Variants in PXK observed in about 807,000 individuals in gnomAD.
PXK encodes the protein PX domain containing serine/threonine kinase like.
A neutral mutation model predicts 84.7 loss-of-function variants in PXK; 35 were observed. The observed-to-expected ratio is 0.41, with a 90% CI of 0.32 to 0.55. PXK has a LOEUF of 0.55. Among genes scored for constraint, PXK ranks in the 20% least tolerant of loss-of-function variants. The probability of loss-of-function intolerance (pLI) is 0.21; values close to 1 mark genes in which losing one functional copy is unlikely to be tolerated. For missense variants in PXK, 634 were observed against 699.7 expected, an observed-to-expected ratio of 0.91 and a Z score of 1.06; for synonymous variants, 253 against 260.8, an observed-to-expected ratio of 0.97 and a Z score of 0.29.
At chr3:58,375,372 A>G (rs909000475) in intron 3 of PXK, among the ~76,000 whole-genome samples, 2 of 152,176 alleles carry the variant, frequency 1.3e-5, no homozygotes, top group African/African-American at 4.8e-5. Flanking sequence ...AGCACTGTAA[A>G]CATTTCACAG....
At chr3:58,368,755 G>A (rs945991961) in intron 2 of PXK, among the ~76,000 whole-genome samples, 2 of 152,212 alleles carry the variant, frequency 1.3e-5, no homozygotes, top group Non-Finnish European at 2.9e-5. Flanking sequence ...ACATTAACAT[G>A]TGAAAATCAC....
intron 17 of PXK, chr3:58,413,307 C>G: frequency 3.4e-6 from 1 of 291,640 alleles, no homozygotes; most frequent in South Asian, 4.2e-5. Context: ...GCCCAGGGGT[C>G]CCGTCCTGCC....
chr3:58,369,863 A>G (rs1221620827), intron 3 of PXK, among the ~76,000 whole-genome samples: 2 of 152,040 alleles, frequency 1.3e-5, no homozygotes, highest in South Asian at 2.1e-4. Context: ...GGAAATGGCA[A>G]TATCAGAAAC....
At position 58,334,219 on chromosome 3, in the gene PXK, C is replaced by T. The variant is rs1024266528; in HGVS notation, c.102+1129C>T. ...AGACTTTTTTGAACCTCAGTTTCCT[C>T]TTCTGACAGCCGTGCTTTGTAGGGC... On this transcript the variant is annotated intron_variant, in intron 1 of 17. Transcript: ENST00000356151. 5.3e-5 allele frequency among the ~76,000 whole-genome samples: 8 copies of T among 152,348 alleles called. No homozygotes were observed. The East Asian group carries it at 5.8e-4, about 11-fold the overall frequency.
In PXK at chr3:58,367,168, A is replaced by G. The variant is rs547067282; in HGVS notation, c.153+1244A>G. Among the ~76,000 whole-genome samples the G allele has an allele frequency of 1.3e-3, 203 of 152,290 alleles. 1 individual carries two copies. The highest frequency in any genetic ancestry group is 2.5e-3 in the South Asian group (12 of 4,830). ...AGAGGTGTGATACCTTTCTTCACCC[A>G]TGGTAATGGTTGTGGCCAACACTCC... On this transcript the variant is annotated intron_variant, in intron 2 of 17. Transcript: ENST00000356151.
chr3:58,380,579 G>A (rs546775645), intron 3 of PXK, among the ~76,000 whole-genome samples: 69 of 152,294 alleles, frequency 4.5e-4, no homozygotes, highest in Non-Finnish European at 8.2e-4. Flanking sequence ...GAGAGGCCAA[G>A]GCAGGCAGAT....
rs527386633 is a variant in PXK, at chr3:58,390,713, C to G, written c.466+54C>G. ...AAAAGACAGATCACAGAACTGGATC[C>G]TTAGTCATGCTTTCTGATACGTATC... On this transcript the variant is annotated intron_variant, in intron 5 of 17. Transcript: ENST00000356151. The surrounding 1 kb of genome is among the most constrained non-coding windows in gnomAD (Gnocchi z 4.2). 2.0e-6 allele frequency: 3 copies of G among 1,497,496 alleles called. No homozygotes were observed. The South Asian group carries it at 3.6e-5, about 18-fold the overall frequency. The allele number at this position is 1,497,496 out of a possible 1,614,324, so 92.8% of individuals were successfully genotyped here.
chr3:58,339,294 G>A (rs1273994379), intron 1 of PXK, among the ~76,000 whole-genome samples: 11 of 150,648 alleles, frequency 7.3e-5, no homozygotes, highest in Admixed American at 2.7e-4. Flanking sequence ...ATAGTAGTGC[G>A]ATCTCAGCTC....
intron 3 of PXK, among the ~76,000 whole-genome samples, chr3:58,381,654 A>G (rs1374452618): frequency 6.6e-6 from 1 of 152,106 alleles, no homozygotes; most frequent in Non-Finnish European, 1.5e-5. Flanking sequence ...AAATGTGAAT[A>G]TTGTACCAAA....
Position 58,333,064 on chromosome 3 carries a change from G to A in PXK, c.76G>A (p.Ala26Thr). 3 of 1,329,950 alleles carry A rather than the reference G, an allele frequency of 2.3e-6. No individual in the cohort carries two copies. Among genetic ancestry groups the A allele is most frequent in the Non-Finnish European group, 2.9e-6 (3 of 1,025,286 alleles). The allele number at this position is 1,329,950 out of a possible 1,614,324, so 82.4% of individuals were successfully genotyped here. Residue 26 changes from alanine to threonine, a missense_variant, in exon 1 of 18, where the codon GCG (alanine) becomes ACG (threonine). By Grantham distance (58) the Ala-to-Thr change is moderately conservative. Transcript: ENST00000356151. This position sits in a 1 kb window ranked among gnomAD's most constrained non-coding sequence, Gnocchi z 5.4. ...GGTGCCGCTGACAGCAGCCATCGAG[G>A]CGAGCCAGAGCCTGCAGTCCCACAC... Reference protein sequence around the residue: ...DTVPLTAAIEASQSLQSHTEY... With the variant: ...DTVPLTAAIETSQSLQSHTEY...
At chr3:58,386,870 T>C (rs1020919216) in intron 4 of PXK, among the ~76,000 whole-genome samples, 9 of 152,198 alleles carry the variant, frequency 5.9e-5, no homozygotes, top group African/African-American at 2.2e-4. Flanking sequence ...CTTTTAGGCC[T>C]AAAGCCCCAG....
chr3:58,357,276 C>G (rs1213562784), intron 1 of PXK, among the ~76,000 whole-genome samples: 1 of 150,438 alleles, frequency 6.6e-6, no homozygotes, highest in Non-Finnish European at 1.5e-5. Flanking sequence ...GAGACTCTGT[C>G]TCAAAAAAAA....
chr3:58,405,807 A>G (rs1263002740), intron 13 of PXK, among the ~76,000 whole-genome samples: 5 of 152,148 alleles, frequency 3.3e-5, no homozygotes, highest in Non-Finnish European at 1.5e-5. Flanking sequence ...TAGGCTCAGA[A>G]ACAAACTGGG....
At chr3:58,336,072 T>TATATATATATATA (rs58493068) in intron 1 of PXK, among the ~76,000 whole-genome samples, 88 of 30,848 alleles carry the variant, frequency 2.9e-3, no homozygotes, top group African/African-American at 7.9e-3. Context: ...TATATATATA[T>TATATATATATATA]TTTTTTTTTT....
In PXK at chr3:58,425,100, G is replaced by A; in HGVS notation, c.*140G>A. 1 of 1,247,474 alleles carries A rather than the reference G, an allele frequency of 8.0e-7. No individual in the cohort carries two copies. The highest frequency in any genetic ancestry group is 1.1e-6 in the Non-Finnish European group (1 of 913,456). 77.3% of individuals were successfully genotyped at this position (1,247,474 alleles called of 1,614,324 possible). ...TACTATTTTGCAGATGCTCATGTAAGCAGCTTTTCGAGAGAAATAATTCTT... is the reference window on the plus strand; with the variant it reads ...TACTATTTTGCAGATGCTCATGTAAACAGCTTTTCGAGAGAAATAATTCTT... On this transcript the variant is annotated 3_prime_UTR_variant, in exon 18 of 18. Transcript: ENST00000356151.
chr3:58,405,675 T>A (rs1405096857), intron 13 of PXK, among the ~76,000 whole-genome samples: 5 of 132,026 alleles, frequency 3.8e-5, no homozygotes, highest in African/African-American at 1.0e-4. Context: ...TGAGACTCTG[T>A]CTCAAAAAAA....
chr3:58,377,180 G>A (rs759321142), intron 3 of PXK, among the ~76,000 whole-genome samples: 5 of 151,612 alleles, frequency 3.3e-5, no homozygotes, highest in Admixed American at 6.6e-5. Flanking sequence ...ACATATTTTC[G>A]TAATTATATT....
At chr3:58,417,309 G>A (rs2061127800) in intron 17 of PXK, among the ~76,000 whole-genome samples, 1 of 152,232 alleles carries the variant, frequency 6.6e-6, no homozygotes, top group African/African-American at 2.4e-5. Flanking sequence ...GATGAGCTTA[G>A]GTAAGTTGAA....
Position 58,423,090 on chromosome 3 carries a change from A to G in PXK, c.1529-1662A>G, listed in dbSNP as rs548543590. On this transcript the variant is annotated intron_variant, in intron 17 of 17. Coordinates refer to ENST00000356151, the MANE Select transcript of PXK (RefSeq NM_017771.5). ...TTCGGGCCCACTTGGTGTTGCAGTC[A>G]AGAGACTCAGTTCCAAAAACCTTCA... is the stretch of plus-strand genomic sequence containing the variant. 6 of 985,262 alleles carry G rather than the reference A, an allele frequency of 6.1e-6. No homozygotes were observed. The South Asian group carries it at 1.4e-4, about 23-fold the overall frequency. 61.0% of individuals were successfully genotyped at this position (985,262 alleles called of 1,614,324 possible). A position where few individuals can be genotyped will look rare whatever the true frequency, so the allele number is the denominator to read the frequency against.
Sources: gnomAD v4.1 joint callset for allele counts (sites outside exome capture counted in the v4.1 genomes callset) on GRCh38, gnomAD v4.1.1 for gene constraint, Gnocchi (gnomAD v3.1) non-coding constraint, MANE v1.5 for transcripts, NCBI Gene and HGNC (gene_info 2026-07-23, HGNC 2026-07-21) for gene names.